Variants in CTBP1 observed in about 807,000 individuals in gnomAD.
The protein encoded by CTBP1 is C-terminal binding protein 1, also known as C-terminal-binding protein 1.
Under a neutral mutation model 42.1 loss-of-function variants are expected in CTBP1, and 11 were observed. That is an observed-to-expected ratio of 0.26 (90% CI 0.16 to 0.43). CTBP1 has a LOEUF of 0.43. CTBP1 is among the 20% of genes least tolerant of loss of function. CTBP1 has a pLI of 1.00. For missense variants in CTBP1, 399 were observed against 624.3 expected (o/e 0.64, Z 3.85); for synonymous variants, 324 against 277.1 (o/e 1.17, Z -1.68).
chr4:1,225,256 G>A (rs1730204052), intron 5 of CTBP1, 104 bp downstream of exon 5: 1 of 1,354,562 alleles, frequency 7.4e-7, no homozygotes, highest in Non-Finnish European at 9.9e-7. Context: ...ACCGACACCT[G>A]CAGCAGCCCC....
In CTBP1 at chr4:1,245,674, G is replaced by T. The variant is rs1004264058; in HGVS notation, c.-189+3242C>A. On this transcript the variant is annotated intron_variant, in intron 1 of 9. Transcript: ENST00000382952. ...AGGGTGACACGGGCGGCAGGGCAGG[G>T]TGGCACGGGTGGGCAGGGTGGCACG... 3.0e-6 allele frequency: 3 copies of T among 984,054 alleles called. No individual in the cohort carries two copies. In the African/African-American group the frequency reaches 5.3e-5, roughly 17 times the overall value. The allele number at this position is 984,054 out of a possible 1,614,324, so 61.0% of individuals were successfully genotyped here.
intron 8 of CTBP1, 65 bp from the exon 9 acceptor site, chr4:1,213,095 G>C: frequency 7.5e-7 from 1 of 1,338,384 alleles, no homozygotes; most frequent in South Asian, 1.2e-5. Flanking sequence ...TGGCCCACTG[G>C]GTTGAAGACA....
At chr4:1,243,990 T>G in intron 1 of CTBP1, 12 of 985,282 alleles carry the variant, frequency 1.2e-5, no homozygotes, top group Non-Finnish European at 1.3e-5. Context: ...CTTCCTATTT[T>G]CCTGTAAATC....
At chr4:1,220,960 T>TA (rs1729672003) in intron 5 of CTBP1, among the ~76,000 whole-genome samples, 1 of 152,218 alleles carries the variant, frequency 6.6e-6, no homozygotes, top group Admixed American at 6.5e-5. Flanking sequence ...AAACGGGTGA[T>TA]ACGCTGGGCT....
chr4:1,229,690 T>C (rs899481577), intron 3 of CTBP1, among the ~76,000 whole-genome samples: 1 of 152,160 alleles, frequency 6.6e-6, no homozygotes, highest in Admixed American at 6.5e-5. Flanking sequence ...GCAGCTGGTG[T>C]TGGGCAGGCA....
At position 1,244,354 on chromosome 4, in the gene CTBP1, TG is replaced by T. The variant is rs140716958; in HGVS notation, c.-188-2836del. 9.4e-4 allele frequency: 905 copies of T among 960,724 alleles called. 6 individuals are homozygous for T. In the African/African-American group the frequency reaches 0.015, roughly 16 times the overall value. 59.5% of individuals were successfully genotyped at this position (960,724 alleles called of 1,614,324 possible). ...ACAGCCACAGTGGGTCTCTGGGCAC[TG>T]GGGGGGGGGTGTTCCAGGAAGTCCC... is the stretch of plus-strand genomic sequence containing the variant. On this transcript the variant is annotated intron_variant, in intron 1 of 9. Coordinates refer to ENST00000382952, the MANE Select transcript of CTBP1 (RefSeq NM_001012614.2).
rs149708872 is a variant in CTBP1 at position 1,228,254 on chromosome 4, G to A, written c.252C>T (p.Ile84=). The change falls in exon 4 of 10, where the codon ATC becomes ATT. Residue 84 remains isoleucine (I), a synonymous_variant. Coordinates refer to ENST00000382952, the MANE Select transcript of CTBP1 (RefSeq NM_001012614.2). ...TGTCAAAACCACTGCCAATCCGGAC[G>A]ATGATGCGGAGGGCTTTGAACTTCT... ...DLEKFKALRI[I]VRIGSGFDNI... is the part of the protein sequence containing the mutation. The A allele has an allele frequency of 5.5e-4, 881 of 1,614,188 alleles. No individual in the cohort carries two copies. Among genetic ancestry groups the A allele is most frequent in the Non-Finnish European group, 7.0e-4 (828 of 1,180,018 alleles).
chr4:1,213,724 G>T, intron 7 of CTBP1, 119 bp from the exon 8 acceptor site: 2 of 1,350,752 alleles, frequency 1.5e-6, no homozygotes, highest in Non-Finnish European at 2.0e-6. Flanking sequence ...CAGACCCCAC[G>T]GCCCTGCTCT....
intron 3 of CTBP1, among the ~76,000 whole-genome samples, chr4:1,234,319 G>A (rs183433602): frequency 6.6e-6 from 1 of 152,216 alleles, no homozygotes; most frequent in Non-Finnish European, 1.5e-5. Context: ...AGCTCTCCTA[G>A]TTCTTGGGGG....
At chr4:1,243,098 C>T (rs940942074) in intron 1 of CTBP1, 21 of 985,312 alleles carry the variant, frequency 2.1e-5, no homozygotes, top group South Asian at 9.4e-5. Context: ...ATGCTACCCA[C>T]GGTGGCCCAG....
At chr4:1,226,902 A>G (rs760731231) in intron 4 of CTBP1, among the ~76,000 whole-genome samples, 1 of 152,074 alleles carries the variant, frequency 6.6e-6, no homozygotes, top group Admixed American at 6.5e-5. Flanking sequence ...CGTCCCCCGC[A>G]GGAACACAGA....
chr4:1,213,866 G>T, intron 7 of CTBP1: 1 of 492,550 alleles, frequency 2.0e-6, no homozygotes, highest in Non-Finnish European at 3.6e-6. Flanking sequence ...GCCCTGATGG[G>T]GGGACATGCT....
At chr4:1,236,498 A>G in intron 3 of CTBP1, 1 of 599,118 alleles carries the variant, frequency 1.7e-6, no homozygotes, top group Non-Finnish European at 3.0e-6. Context: ...CTGGGAAAAA[A>G]CTGAAAATGA....
At chr4:1,239,194 G>A (rs1731898763) in intron 2 of CTBP1, among the ~76,000 whole-genome samples, 1 of 152,242 alleles carries the variant, frequency 6.6e-6, no homozygotes, top group Admixed American at 6.5e-5. Context: ...GGGCCAACTG[G>A]AGAAATAAGG....
chr4:1,213,569 G>A lies in CTBP1; in HGVS notation c.897C>T (p.Leu299=), dbSNP rs200948761. Residue 299 remains leucine (L), a synonymous_variant, in exon 8 of 10, where the codon CTC becomes CTT. Coordinates refer to ENST00000382952, the MANE Select transcript of CTBP1 (RefSeq NM_001012614.2). ...SQGPLKDAPN[L]ICTPHAAWYS... The stretch of plus-strand genomic sequence containing the variant: ...ACCATGCAGCATGGGGGGTGCAGAT[G>A]AGGTTGGGTGCATCCTTCAGAGGGC... 2.6e-5 allele frequency: 42 copies of A among 1,613,340 alleles called. No individual in the cohort carries two copies. Among genetic ancestry groups the A allele is most frequent in the Middle Eastern group, 1.7e-4 (1 of 6,054 alleles).
Position 1,249,059 on chromosome 4 carries a change from CGCCT to C in CTBP1, c.-336_-333del, listed in dbSNP as rs1577091783. 4.7e-6 allele frequency: 2 copies of C among 425,628 alleles called. No individual in the cohort carries two copies. Among genetic ancestry groups the C allele is most frequent in the Non-Finnish European group, 6.2e-6 (2 of 321,380 alleles). 26.4% of individuals were successfully genotyped at this position (425,628 alleles called of 1,614,324 possible). ...GGCGCCGTCCGCTGCTCCGCCCGCC[CGCCT>C]GCGCCTGGCCGCCGCCGTGCCGAGT... is the stretch of plus-strand genomic sequence containing the variant. On this transcript the variant is annotated 5_prime_UTR_variant, in exon 1 of 10. Coordinates refer to ENST00000382952, the MANE Select transcript of CTBP1 (RefSeq NM_001012614.2).
At position 1,212,208 on chromosome 4, in the gene CTBP1, C is replaced by G; in HGVS notation, c.*32G>C. The G allele has an allele frequency of 5.0e-6, 7 of 1,408,008 alleles. No homozygotes were observed. Among genetic ancestry groups the G allele is most frequent in the Non-Finnish European group, 6.5e-6 (7 of 1,076,406 alleles). 87.2% of individuals were successfully genotyped at this position (1,408,008 alleles called of 1,614,324 possible). On this transcript the variant is annotated 3_prime_UTR_variant, in exon 10 of 10. Coordinates refer to ENST00000382952, the MANE Select transcript of CTBP1 (RefSeq NM_001012614.2). ...GTCCGAGGGTTTCCGGGCCCTCTGC[C>G]CAGGCGCCGAGGCTGGAGAGCTCCT... is the stretch of plus-strand genomic sequence containing the variant.
At chr4:1,248,588 C>T in intron 1 of CTBP1, 1 of 773,246 alleles carries the variant, frequency 1.3e-6, no homozygotes, top group Non-Finnish European at 1.6e-6. Flanking sequence ...GTCCCGGGTC[C>T]GACGGGGCTG....
At chr4:1,212,627 A>C in intron 9 of CTBP1, 1 of 614,192 alleles carries the variant, frequency 1.6e-6, no homozygotes, top group Non-Finnish European at 2.8e-6. Flanking sequence ...TCTCCAGGTG[A>C]CTTGAACATG....
Sources: gnomAD v4.1 joint callset for allele counts (sites outside exome capture counted in the v4.1 genomes callset) on GRCh38, gnomAD v4.1.1 for gene constraint, MANE v1.5 for transcripts, NCBI Gene and HGNC (gene_info 2026-07-23, HGNC 2026-07-21) for gene names.